The following ROBO2 variants were observed in gnomAD, a reference collection of about 807,000 sequenced individuals.
ROBO2 encodes roundabout homolog 2.
Under a neutral mutation model 160.8 loss-of-function variants are expected in ROBO2, and 53 were observed. The observed-to-expected ratio is 0.33, with a 90% CI of 0.26 to 0.41. The LOEUF (loss-of-function observed/expected upper bound fraction) is 0.41, where lower values mean the gene tolerates loss of function less well. Among genes scored for constraint, ROBO2 ranks in the 10% least tolerant of loss-of-function variants. The pLI, the probability that ROBO2 is intolerant of heterozygous loss-of-function variation, is 1.00. For missense variants in ROBO2, 1,577 were observed against 1,722.4 expected (o/e 0.92, Z 1.49); for synonymous variants, 664 against 611.7 (o/e 1.09, Z -1.26).
chr3:77,284,722 C>T (rs2060468138), intron 2 of ROBO2, among the ~76,000 whole-genome samples: 2 of 151,988 alleles, frequency 1.3e-5, no homozygotes, highest in African/African-American at 4.8e-5. Flanking sequence ...AATGTAAACA[C>T]TCTAATCCTC....
chr3:76,323,138 T>TAC (rs71874425), intron 2 of ROBO2, among the ~76,000 whole-genome samples: 9,154 of 143,934 alleles, frequency 0.064, 329 homozygotes, highest in African/African-American at 0.091. Context: ...TTGTTAGTAT[T>TAC]ACACACACAC....
chr3:77,061,571 G>A (rs2066309993), intron 1 of ROBO2, among the ~76,000 whole-genome samples: 1 of 152,156 alleles, frequency 6.6e-6, no homozygotes, highest in Non-Finnish European at 1.5e-5. Flanking sequence ...CTGTAGGTCT[G>A]GTTGATTGTC....
At chr3:77,095,659 A>T (rs2070948551) in intron 1 of ROBO2, among the ~76,000 whole-genome samples, 1 of 152,196 alleles carries the variant, frequency 6.6e-6, no homozygotes, top group African/African-American at 2.4e-5. Context: ...CTCTTGATGT[A>T]TTTTAAGATC....
At chr3:77,020,563 G>A (rs57821029) in intron 2 of ROBO2, among the ~76,000 whole-genome samples, 1 of 152,058 alleles carries the variant, frequency 6.6e-6, no homozygotes, top group Admixed American at 6.6e-5. Flanking sequence ...AAAGAATAAT[G>A]CTGGAAGTGA....
intron 2 of ROBO2, among the ~76,000 whole-genome samples, chr3:77,277,808 G>T (rs1045531967): frequency 2.0e-5 from 3 of 152,080 alleles, no homozygotes; most frequent in Non-Finnish European, 4.4e-5. Flanking sequence ...ATTCCTTTGG[G>T]TATATACCCA....
intron 2 of ROBO2, among the ~76,000 whole-genome samples, chr3:76,849,688 G>T (rs545866211): frequency 6.6e-6 from 1 of 152,322 alleles, no homozygotes; most frequent in East Asian, 1.9e-4. Context: ...ATGCAGCATA[G>T]TATTATAGTG....
intron 2 of ROBO2, among the ~76,000 whole-genome samples, chr3:76,147,059 C>A (rs896775992): frequency 6.6e-6 from 1 of 151,034 alleles, no homozygotes; most frequent in South Asian, 2.1e-4. Flanking sequence ...GTACAGCAAA[C>A]CCCAATGACA....
chr3:77,640,261 G>A (rs1355520769), intron 24 of ROBO2, among the ~76,000 whole-genome samples: 9 of 151,910 alleles, frequency 5.9e-5, no homozygotes, highest in Non-Finnish European at 1.2e-4. Context: ...AAAGGCGCCC[G>A]CCACCACACT....
chr3:77,034,982 C>A (rs964028098), upstream of ROBO2, among the ~76,000 whole-genome samples: 5 of 151,686 alleles, frequency 3.3e-5, no homozygotes, highest in African/African-American at 9.7e-5. Context: ...ATATCAGTAA[C>A]AAGAAATGAT....
intron 2 of ROBO2, among the ~76,000 whole-genome samples, chr3:76,339,852 C>G (rs1445916900): frequency 6.6e-6 from 1 of 151,962 alleles, no homozygotes; most frequent in African/African-American, 2.4e-5. Context: ...AAATTAAAAT[C>G]TTGTAATGTT....
intron 19 of ROBO2, among the ~76,000 whole-genome samples, chr3:77,600,784 C>A (rs1229126612): frequency 6.6e-6 from 1 of 152,064 alleles, no homozygotes; most frequent in Non-Finnish European, 1.5e-5. Context: ...CTTGAGAATG[C>A]AGTATGCTTA....
At chr3:77,282,456 T>C (rs1560421083) in intron 2 of ROBO2, among the ~76,000 whole-genome samples, 1 of 152,082 alleles carries the variant, frequency 6.6e-6, no homozygotes, top group Non-Finnish European at 1.5e-5. Flanking sequence ...GAGGTTCTAC[T>C]TTTTGGTCTT....
intron 2 of ROBO2, among the ~76,000 whole-genome samples, chr3:77,029,163 A>G (rs2063159546): frequency 6.6e-6 from 1 of 152,018 alleles, no homozygotes; most frequent in African/African-American, 2.4e-5. Flanking sequence ...TTATTTGTGC[A>G]TGTGGGCTGT....
At chr3:76,036,723 C>T (rs535341508) in intron 2 of ROBO2, among the ~76,000 whole-genome samples, 13 of 151,716 alleles carry the variant, frequency 8.6e-5, no homozygotes, top group Admixed American at 2.6e-4. Flanking sequence ...AGGCTGGTCT[C>T]GAACTCCCGA....
At chr3:77,626,049 T>C (rs960003868) in intron 23 of ROBO2, among the ~76,000 whole-genome samples, 2 of 152,136 alleles carry the variant, frequency 1.3e-5, no homozygotes, top group East Asian at 3.9e-4. Flanking sequence ...AAAGACAAAT[T>C]ATCATGATCC....
At chr3:76,370,404 T>C (rs1349507006) in intron 2 of ROBO2, among the ~76,000 whole-genome samples, 1 of 151,942 alleles carries the variant, frequency 6.6e-6, no homozygotes, top group East Asian at 1.9e-4. Context: ...GAAGAAAGAA[T>C]AAATGCTTCA....
intron 2 of ROBO2, among the ~76,000 whole-genome samples, chr3:76,287,996 C>T (rs959745973): frequency 6.6e-6 from 1 of 152,076 alleles, no homozygotes; most frequent in Non-Finnish European, 1.5e-5. Flanking sequence ...AATTTCCAGG[C>T]TTATCTTTTG....
chr3:76,984,635 G>A (rs1194356634), intron 2 of ROBO2, among the ~76,000 whole-genome samples: 1 of 152,054 alleles, frequency 6.6e-6, no homozygotes, highest in East Asian at 1.9e-4. Flanking sequence ...ACATGGAAAC[G>A]TGGTGGGAAG....
intron 2 of ROBO2, among the ~76,000 whole-genome samples, chr3:76,669,149 A>G (rs2092167648): frequency 6.6e-6 from 1 of 152,028 alleles, no homozygotes; most frequent in African/African-American, 2.4e-5. Context: ...TTCATCCCAT[A>G]TTATTGTCCT....
Sources: allele counts gnomAD v4.1 joint callset (sites outside exome capture counted in the v4.1 genomes callset), GRCh38; gene constraint gnomAD v4.1.1; transcripts MANE v1.5; gene names NCBI Gene and HGNC (gene_info 2026-07-23, HGNC 2026-07-21).